Variants in SPATA17 observed in about 807,000 individuals in gnomAD.
The protein encoded by SPATA17 is spermatogenesis associated 17, also known as spermatogenesis-associated protein 17.
In SPATA17, 53 loss-of-function variants were observed where a neutral mutation model predicts 62.2. That is an observed-to-expected ratio of 0.85 (90% confidence interval 0.68 to 1.07). The LOEUF is 1.07. Among genes scored for constraint, SPATA17 ranks in the 50% least tolerant of loss-of-function variants. The pLI is 0.00. For missense variants in SPATA17, 466 were observed against 425.5 expected, an observed-to-expected ratio of 1.10 and a Z score of -0.84; for synonymous variants, 146 against 146.8, an observed-to-expected ratio of 0.99 and a Z score of 0.04.
At chr1:217,833,217 G>T (rs989912980) in intron 9 of SPATA17, among the ~76,000 whole-genome samples, 3 of 152,032 alleles carry the variant, frequency 2.0e-5, no homozygotes, top group Non-Finnish European at 2.9e-5. Flanking sequence ...AAGTATATCG[G>T]CTATACATGT....
intron 6 of SPATA17, among the ~76,000 whole-genome samples, chr1:217,757,329 G>A (rs1283704282): frequency 1.3e-5 from 2 of 152,180 alleles, no homozygotes; most frequent in East Asian, 3.9e-4. Flanking sequence ...TTACATCTGA[G>A]TCAATAATGA....
intron 5 of SPATA17, among the ~76,000 whole-genome samples, chr1:217,699,393 G>T (rs544472103): frequency 6.6e-6 from 1 of 152,154 alleles, no homozygotes; most frequent in East Asian, 1.9e-4. Flanking sequence ...AAAAATTTTA[G>T]CCACTCTGAT....
intron 1 of SPATA17, among the ~76,000 whole-genome samples, chr1:217,646,875 C>T (rs1189251707): frequency 2.6e-5 from 4 of 152,126 alleles, no homozygotes; most frequent in Admixed American, 2.6e-4. Context: ...GCCTGGGCAA[C>T]AGAGCAAGAC....
intron 9 of SPATA17, among the ~76,000 whole-genome samples, chr1:217,842,087 G>C (rs1254541642): frequency 6.6e-6 from 1 of 151,844 alleles, no homozygotes; most frequent in African/African-American, 2.4e-5. Flanking sequence ...AGATGATCAT[G>C]TGATTACTTT....
chr1:217,632,800 T>TTA (rs1669839284), intron 1 of SPATA17, among the ~76,000 whole-genome samples: 1 of 152,228 alleles, frequency 6.6e-6, no homozygotes, highest in Admixed American at 6.5e-5. Context: ...ATCTATTTAT[T>TTA]TAGAGTATGT....
At position 217,686,703 on chromosome 1, in the gene SPATA17, A is replaced by G. The variant is rs543134298; in HGVS notation, c.395+3342A>G. Among the ~76,000 whole-genome samples, 12 of 152,310 alleles carry G rather than the reference A, an allele frequency of 7.9e-5. No individual in the cohort carries two copies. The South Asian group carries it at 2.3e-3, about 29-fold the overall frequency. On this transcript the variant is annotated intron_variant, in intron 5 of 10. Transcript: ENST00000366933. ...TCATCTATAATTTCATCACTCAGAA[A>G]TAAACACTATTAACTTTTTGTTTTT...
chr1:217,852,110 C>T (rs566156242), intron 9 of SPATA17, among the ~76,000 whole-genome samples: 7 of 152,230 alleles, frequency 4.6e-5, no homozygotes, highest in South Asian at 2.1e-4. Flanking sequence ...TCTTGGAGAA[C>T]GATCACTTTT....
chr1:217,769,354 C>A (rs150372281), intron 6 of SPATA17, among the ~76,000 whole-genome samples: 150 of 152,284 alleles, frequency 9.9e-4, no homozygotes, highest in African/African-American at 3.2e-3. Context: ...TGCACTATAT[C>A]CCTCTGAGGG....
chr1:217,709,904 A>G (rs1007631779), intron 5 of SPATA17, among the ~76,000 whole-genome samples: 4 of 152,226 alleles, frequency 2.6e-5, no homozygotes, highest in Non-Finnish European at 5.9e-5. Context: ...AATTACTTAT[A>G]CCAGCAACAA....
At chr1:217,849,686 T>C (rs1170632396) in intron 9 of SPATA17, among the ~76,000 whole-genome samples, 2 of 152,116 alleles carry the variant, frequency 1.3e-5, no homozygotes, top group African/African-American at 4.8e-5. Flanking sequence ...GCCTGGTGCC[T>C]GCTGTTCACC....
chr1:217,750,385 G>A (rs1311459785), intron 6 of SPATA17, among the ~76,000 whole-genome samples: 1 of 152,074 alleles, frequency 6.6e-6, no homozygotes, highest in African/African-American at 2.4e-5. Context: ...ATGCTGAAGG[G>A]TGTAATGCAT....
chr1:217,753,051 A>C (rs1384678682), intron 6 of SPATA17, among the ~76,000 whole-genome samples: 1 of 152,054 alleles, frequency 6.6e-6, no homozygotes, highest in Non-Finnish European at 1.5e-5. Flanking sequence ...CTCTCATACC[A>C]CCCAACCCAC....
At chr1:217,821,264 C>T (rs192821094) in intron 9 of SPATA17, among the ~76,000 whole-genome samples, 2 of 151,954 alleles carry the variant, frequency 1.3e-5, no homozygotes, top group African/African-American at 4.8e-5. Flanking sequence ...AGTGGGAACA[C>T]AGAATAAGAA....
chr1:217,789,115 T>G (rs891753650), intron 8 of SPATA17, among the ~76,000 whole-genome samples: 1 of 152,190 alleles, frequency 6.6e-6, no homozygotes, highest in Non-Finnish European at 1.5e-5. Context: ...TATTTTAACT[T>G]ATATAGGCTT....
At chr1:217,712,752 G>T (rs775336192) in intron 5 of SPATA17, among the ~76,000 whole-genome samples, 20 of 152,158 alleles carry the variant, frequency 1.3e-4, no homozygotes, top group Non-Finnish European at 2.9e-4. Context: ...AGAGCAAATA[G>T]GGTCTTTTCA....
chr1:217,760,092 CA>C (rs1359852873), intron 6 of SPATA17, among the ~76,000 whole-genome samples: 5 of 152,102 alleles, frequency 3.3e-5, no homozygotes, highest in Admixed American at 2.6e-4. Context: ...GCTCATTTTA[CA>C]GATTGGTTTT....
chr1:217,823,140 T>C (rs1674907181), intron 9 of SPATA17, among the ~76,000 whole-genome samples: 1 of 151,950 alleles, frequency 6.6e-6, no homozygotes, highest in African/African-American at 2.4e-5. Flanking sequence ...CATTTTTTGT[T>C]TGGTTCTGCT....
chr1:217,762,183 C>T (rs930234646), intron 6 of SPATA17, among the ~76,000 whole-genome samples: 6 of 152,150 alleles, frequency 3.9e-5, no homozygotes, highest in Non-Finnish European at 7.3e-5. Context: ...TCTACACTCT[C>T]CCTCAGTAAC....
intron 5 of SPATA17, among the ~76,000 whole-genome samples, chr1:217,730,868 A>G (rs747148546): frequency 6.6e-6 from 1 of 152,110 alleles, no homozygotes; most frequent in Non-Finnish European, 1.5e-5. Context: ...TCAGATGCAG[A>G]TGCTTGATAT....
Sources: allele counts gnomAD v4.1 joint callset (sites outside exome capture counted in the v4.1 genomes callset), GRCh38; gene constraint gnomAD v4.1.1; transcripts MANE v1.5; gene names NCBI Gene and HGNC (gene_info 2026-07-23, HGNC 2026-07-21).